Variants in STMND1 observed in about 807,000 individuals in gnomAD.
STMND1 encodes stathmin domain containing 1, also known as stathmin domain-containing protein 1.
Under a neutral mutation model 23.0 loss-of-function variants are expected in STMND1, and 17 were observed. The observed-to-expected ratio is 0.74, with a 90% CI of 0.51 to 1.11. STMND1 has a LOEUF of 1.11. Among genes scored for constraint, STMND1 ranks in the 50% least tolerant of loss-of-function variants. The pLI is 0.00. For missense variants in STMND1, 305 were observed against 329.1 expected (o/e 0.93, Z 0.57); for synonymous variants, 114 against 119.9 (o/e 0.95, Z 0.32).
At chr6:17,106,123 T>C (rs1761021701) in intron 1 of STMND1, among the ~76,000 whole-genome samples, 1 of 151,948 alleles carries the variant, frequency 6.6e-6, no homozygotes, top group Non-Finnish European at 1.5e-5. Flanking sequence ...CTTTCCAGAC[T>C]TTTCCTTCTC....
intron 3 of STMND1, among the ~76,000 whole-genome samples, chr6:17,121,731 GA>G (rs1428104239): frequency 6.6e-6 from 1 of 152,072 alleles, no homozygotes; most frequent in Non-Finnish European, 1.5e-5. Flanking sequence ...GAATTAAATA[GA>G]ATTTCAGAAA....
intron 1 of STMND1, among the ~76,000 whole-genome samples, chr6:17,103,566 C>CTTTTTTTTTT (rs68161737): frequency 2.4e-5 from 2 of 82,102 alleles, no homozygotes; most frequent in Non-Finnish European, 4.4e-5. Context: ...GACCCATTAC[C>CTTTTTTTTTT]TTTTTTTTTT....
intron 2 of STMND1, among the ~76,000 whole-genome samples, chr6:17,117,586 A>T (rs1280218649): frequency 6.6e-6 from 1 of 151,952 alleles, no homozygotes; most frequent in African/African-American, 2.4e-5. Context: ...CTATATTTGG[A>T]AAGCAGAAAA....
At position 17,131,081 on chromosome 6, in the gene STMND1, G is replaced by A. The variant is rs532629148; in HGVS notation, c.*200G>A. 2.1e-4 allele frequency: 105 copies of A among 501,062 alleles called. No homozygotes were observed. The highest frequency in any genetic ancestry group is 3.4e-4 in the Non-Finnish European group (100 of 290,172). 31.0% of individuals were successfully genotyped at this position (501,062 alleles called of 1,614,324 possible). ...ATGCTAGCTTTTAAAAAAAGAGCGA[G>A]GGGGAGACTTGACCAGCATAGATAT... On this transcript the variant is annotated 3_prime_UTR_variant, in exon 5 of 5. Transcript: ENST00000536551.
At chr6:17,106,064 A>C (rs1200505255) in intron 1 of STMND1, among the ~76,000 whole-genome samples, 1 of 152,088 alleles carries the variant, frequency 6.6e-6, no homozygotes, top group Non-Finnish European at 1.5e-5. Context: ...CTTGTTCCCC[A>C]GGCCCATTCT....
intron 4 of STMND1, among the ~76,000 whole-genome samples, chr6:17,130,318 C>A (rs1761370981): frequency 6.6e-6 from 1 of 152,146 alleles, no homozygotes; most frequent in African/African-American, 2.4e-5. Context: ...CACAGCCCTC[C>A]ACGCGCCCTT....
chr6:17,108,731 C>T (rs754899186), intron 1 of STMND1, among the ~76,000 whole-genome samples: 1 of 135,248 alleles, frequency 7.4e-6, no homozygotes, highest in Non-Finnish European at 1.5e-5. Context: ...TGGAGTCTTG[C>T]TGTGGCCCAG....
chr6:17,105,298 C>A (rs1462656052), intron 1 of STMND1, among the ~76,000 whole-genome samples: 2 of 152,136 alleles, frequency 1.3e-5, no homozygotes, highest in African/African-American at 4.8e-5. Context: ...GTGCTCATAC[C>A]AATGCCTGAC....
chr6:17,105,867 G>C (rs1460834893), intron 1 of STMND1, among the ~76,000 whole-genome samples: 4 of 152,182 alleles, frequency 2.6e-5, no homozygotes, highest in African/African-American at 9.7e-5. Context: ...GGAACTTGCA[G>C]TGAGCCAAGA....
At chr6:17,106,813 T>C (rs923823914) in intron 1 of STMND1, among the ~76,000 whole-genome samples, 1 of 152,186 alleles carries the variant, frequency 6.6e-6, no homozygotes, top group African/African-American at 2.4e-5. Context: ...TTGAGACCTA[T>C]ATACAGACTT....
chr6:17,113,895 C>T (rs148591217), intron 1 of STMND1, among the ~76,000 whole-genome samples: 7 of 152,298 alleles, frequency 4.6e-5, no homozygotes, highest in Non-Finnish European at 7.4e-5. Flanking sequence ...GAATGCTCAG[C>T]GTAGTAGCTT....
chr6:17,122,527 G>C (rs1266745895), intron 3 of STMND1, among the ~76,000 whole-genome samples: 2 of 152,140 alleles, frequency 1.3e-5, no homozygotes, highest in African/African-American at 2.4e-5. Context: ...CCTAGACTGA[G>C]TCACTTAATG....
At chr6:17,105,219 A>G (rs1761006512) in intron 1 of STMND1, among the ~76,000 whole-genome samples, 1 of 152,244 alleles carries the variant, frequency 6.6e-6, no homozygotes, top group African/African-American at 2.4e-5. Flanking sequence ...ATCCCCCACT[A>G]ATGCTGGCGA....
rs866374225 is a variant in STMND1, at chr6:17,129,280, C to T, written c.543+37C>T. The T allele has an allele frequency of 2.0e-5, 30 of 1,526,944 alleles. No individual in the cohort carries two copies. In the Middle Eastern group the frequency reaches 1.2e-3, roughly 60 times the overall value. 94.6% of individuals were successfully genotyped at this position (1,526,944 alleles called of 1,614,324 possible). The stretch of plus-strand genomic sequence containing the variant: ...TCAGATGCTCTAGGCTTGAGGAGTT[C>T]GCTGTCTGTTAAAATGATCTCACCC... On this transcript the variant is annotated intron_variant, in intron 4 of 4. Coordinates refer to ENST00000536551, the MANE Select transcript of STMND1 (RefSeq NM_001190766.2).
chr6:17,121,650 A>G (rs1381488468), intron 3 of STMND1, among the ~76,000 whole-genome samples: 1 of 152,202 alleles, frequency 6.6e-6, no homozygotes, highest in Non-Finnish European at 1.5e-5. Flanking sequence ...AATAAATAGG[A>G]CTAAATGCCA....
intron 1 of STMND1, among the ~76,000 whole-genome samples, chr6:17,105,422 G>T (rs2113471298): frequency 6.6e-6 from 1 of 152,308 alleles, no homozygotes; most frequent in Non-Finnish European, 1.5e-5. Context: ...GAAGGGGGCG[G>T]ATCACCTGAG....
rs564060173 is a variant in STMND1 at position 17,116,687 on chromosome 6, G to T, written c.259+1548G>T. Among the ~76,000 whole-genome samples, 11 of 152,174 alleles carry T rather than the reference G, an allele frequency of 7.2e-5. No individual in the cohort carries two copies. The East Asian group carries it at 2.1e-3, about 29-fold the overall frequency. On this transcript the variant is annotated intron_variant, in intron 2 of 4. Coordinates refer to ENST00000536551, the MANE Select transcript of STMND1 (RefSeq NM_001190766.2). Reference sequence around the variant, plus strand: ...ACTCCTGACCTCAAGTGATCCACCTGCCTCAGCCTCCCAAAGTGTTGAGAT... The same window carrying T: ...ACTCCTGACCTCAAGTGATCCACCTTCCTCAGCCTCCCAAAGTGTTGAGAT...
intron 2 of STMND1, among the ~76,000 whole-genome samples, chr6:17,115,733 C>T (rs1219781437): frequency 1.3e-5 from 2 of 152,142 alleles, no homozygotes; most frequent in Non-Finnish European, 2.9e-5. Flanking sequence ...ATTCGGTCAG[C>T]CTTTGAAACA....
chr6:17,113,348 C>T (rs1761117699), intron 1 of STMND1, among the ~76,000 whole-genome samples: 2 of 152,130 alleles, frequency 1.3e-5, no homozygotes, highest in Admixed American at 6.6e-5. Context: ...TTGAAGCTGC[C>T]GTTCACAGGC....
Sources: allele counts gnomAD v4.1 joint callset (sites outside exome capture counted in the v4.1 genomes callset), GRCh38; gene constraint gnomAD v4.1.1; transcripts MANE v1.5; gene names NCBI Gene and HGNC (gene_info 2026-07-23, HGNC 2026-07-21).